WDR89: variants seen among roughly 807,000 people sequenced by gnomAD.
The protein encoded by WDR89 is WD repeat domain 89.
A neutral mutation model predicts 29.1 loss-of-function variants in WDR89; 17 were observed. The observed-to-expected ratio is 0.58, with a 90% CI of 0.40 to 0.88. The LOEUF is 0.88. WDR89 is among the 40% of genes least tolerant of loss of function. The pLI is 0.00. For synonymous variants in WDR89, 138 were observed against 157.8 expected (o/e 0.87, Z 0.94); for missense variants, 396 against 456.3 (o/e 0.87, Z 1.20).
Position 63,625,032 on chromosome 14 carries a change from AC to A in WDR89, c.-137del, listed in dbSNP as rs1882939695. The A allele has an allele frequency of 6.6e-6, 1 of 152,162 alleles. No homozygotes were observed. Among genetic ancestry groups the A allele is most frequent in the African/African-American group, 2.4e-5 (1 of 41,448 alleles). The allele number at this position is 152,162 out of a possible 1,614,324, so 9.4% of individuals were successfully genotyped here. Reference sequence around the variant, plus strand: ...ACTATTTTATTTATAATAGCCAAATACCTAGAAAAAAACAGAAATACGGGTA... The same window carrying A: ...ACTATTTTATTTATAATAGCCAAATACTAGAAAAAAACAGAAATACGGGTA... On this transcript the variant is annotated splice_region_variant and 5_prime_UTR_variant, in exon 2 of 3. Transcript: ENST00000620954.
At chr14:63,605,168 A>C (rs73280659) in intron 2 of WDR89, among the ~76,000 whole-genome samples, 33,285 of 115,190 alleles carry the variant, frequency 0.29, 3,777 homozygotes, top group African/African-American at 0.37. Flanking sequence ...CTCTCTCTCT[A>C]TATATATATA....
intron 1 of WDR89, among the ~76,000 whole-genome samples, chr14:63,630,034 G>C (rs932170973): frequency 6.6e-6 from 1 of 152,048 alleles, no homozygotes; most frequent in African/African-American, 2.4e-5. Flanking sequence ...TGCAACTGCT[G>C]CCTCCCAGGT....
chr14:63,611,335 C>CA (rs769975882), intron 2 of WDR89, among the ~76,000 whole-genome samples: 1,391 of 21,706 alleles, frequency 0.064, 48 homozygotes, highest in East Asian at 0.11. Context: ...GGCCCTGTCG[C>CA]AAAAAAAAAA....
chr14:63,624,840 C>A (rs139075165), intron 2 of WDR89, 88 bp downstream of exon 2: 2 of 152,088 alleles, frequency 1.3e-5, no homozygotes, highest in East Asian at 3.9e-4. Context: ...GCAAAAGCAA[C>A]AGGAACTTTC....
At position 63,598,931 on chromosome 14, in the gene WDR89, T is replaced by C; in HGVS notation, c.1012A>G (p.Thr338Ala). 1.2e-6 allele frequency: 2 copies of C among 1,614,168 alleles called. No homozygotes were observed. The highest frequency in any genetic ancestry group is 1.7e-6 in the Non-Finnish European group (2 of 1,180,014). ...CWNVQDDSLL[T>A]GGEDAQLLLW... ...AACAACTGTGCATCTTCTCCTCCAG[T>C]CAACAAAGAATCATCTTGCACATTC... is the stretch of plus-strand genomic sequence containing the variant. The change falls in exon 3 of 3, where the codon ACT becomes GCT. Residue 338 changes from threonine (T) to alanine (A), a missense_variant. Thr to Ala is a moderately conservative substitution (Grantham distance 58). Transcript: ENST00000620954.
At chr14:63,628,097 C>T (rs188899061) in intron 1 of WDR89, among the ~76,000 whole-genome samples, 80 of 152,182 alleles carry the variant, frequency 5.3e-4, no homozygotes, top group Admixed American at 4.6e-3. Context: ...ATCAGCCGAA[C>T]GTGGTGGTGT....
chr14:63,620,391 A>G (rs1332675216), intron 2 of WDR89, among the ~76,000 whole-genome samples: 1 of 152,208 alleles, frequency 6.6e-6, no homozygotes, highest in Non-Finnish European at 1.5e-5. Flanking sequence ...AAACGTACAT[A>G]TCTATATGTG....
intron 2 of WDR89, among the ~76,000 whole-genome samples, chr14:63,606,589 C>G (rs1457376140): frequency 6.6e-6 from 1 of 152,104 alleles, no homozygotes; most frequent in Non-Finnish European, 1.5e-5. Context: ...TACCGTACAG[C>G]TCAAGTATGT....
At chr14:63,621,481 C>A (rs1882691416) in intron 2 of WDR89, among the ~76,000 whole-genome samples, 1 of 151,892 alleles carries the variant, frequency 6.6e-6, no homozygotes. Flanking sequence ...ACCTGTAATC[C>A]CAGCTACTAG....
intron 2 of WDR89, 128 bp from the exon 3 acceptor site, chr14:63,600,101 GAATC>G (rs1391423350): frequency 2.3e-5 from 11 of 481,124 alleles, no homozygotes; most frequent in African/African-American, 1.0e-4. Context: ...GGGCTGGCAT[GAATC>G]AATCAATCAA....
intron 1 of WDR89, among the ~76,000 whole-genome samples, chr14:63,634,508 C>A (rs1167856958): frequency 1.4e-5 from 2 of 145,482 alleles, no homozygotes; most frequent in African/African-American, 5.2e-5. Context: ...GGCGACAGAG[C>A]GAGACTCCCT....
intron 2 of WDR89, among the ~76,000 whole-genome samples, chr14:63,610,571 C>T (rs548182242): frequency 1.3e-4 from 20 of 152,112 alleles, no homozygotes; most frequent in Non-Finnish European, 2.6e-4. Flanking sequence ...TGTCATGTTC[C>T]TATCATGAAC....
chr14:63,621,325 T>G (rs1324824791), intron 2 of WDR89, among the ~76,000 whole-genome samples: 2 of 152,272 alleles, frequency 1.3e-5, no homozygotes, highest in East Asian at 1.9e-4. Flanking sequence ...CAATCTCGGC[T>G]GGCTACAACC....
At chr14:63,624,312 C>T (rs754713723) in intron 2 of WDR89, among the ~76,000 whole-genome samples, 2 of 151,490 alleles carry the variant, frequency 1.3e-5, no homozygotes, top group East Asian at 1.9e-4. Context: ...ATCAAAAATA[C>T]AAAAATTAGC....
rs139987563 is a variant in WDR89 at position 63,630,278 on chromosome 14, C to G, written c.-137-5245G>C. On this transcript the variant is annotated intron_variant, in intron 1 of 2. Coordinates refer to ENST00000620954, the MANE Select transcript of WDR89 (RefSeq NM_080666.4). Reference sequence around the variant, plus strand: ...TCACATATTAAATTGCTCACATTTACAATGTAGAAGATGGATTTAAATAGG... The same window carrying G: ...TCACATATTAAATTGCTCACATTTAGAATGTAGAAGATGGATTTAAATAGG... Among the ~76,000 whole-genome samples, 840 of 151,608 alleles carry G rather than the reference C, an allele frequency of 5.5e-3. 8 individuals carry two copies. Among genetic ancestry groups the G allele is most frequent in the African/African-American group, 0.019 (793 of 41,380 alleles).
chr14:63,615,965 A>G (rs1327279360), intron 2 of WDR89, among the ~76,000 whole-genome samples: 1 of 150,958 alleles, frequency 6.6e-6, no homozygotes, highest in Non-Finnish European at 1.5e-5. Context: ...ATTCTTGGCC[A>G]GGTGCAGTGG....
chr14:63,627,416 A>G (rs1384233235), intron 1 of WDR89, among the ~76,000 whole-genome samples: 2 of 152,190 alleles, frequency 1.3e-5, no homozygotes, highest in Non-Finnish European at 2.9e-5. Flanking sequence ...AAACAACATT[A>G]AGTAGCTTTT....
chr14:63,604,870 T>C (rs1353847238), intron 2 of WDR89, among the ~76,000 whole-genome samples: 4 of 152,168 alleles, frequency 2.6e-5, no homozygotes, highest in African/African-American at 9.6e-5. Flanking sequence ...CCAGGTGTGG[T>C]AACCCATGTG....
At chr14:63,620,843 A>G (rs1434497308) in intron 2 of WDR89, among the ~76,000 whole-genome samples, 1 of 151,040 alleles carries the variant, frequency 6.6e-6, no homozygotes, top group African/African-American at 2.5e-5. Context: ...GGTTGCAGTG[A>G]GCTGAGACTG....
Sources: gnomAD v4.1 joint callset for allele counts (sites outside exome capture counted in the v4.1 genomes callset) on GRCh38, gnomAD v4.1.1 for gene constraint, MANE v1.5 for transcripts, NCBI Gene and HGNC (gene_info 2026-07-23, HGNC 2026-07-21) for gene names.